GRIK3: variants seen among roughly 807,000 people sequenced by gnomAD.
GRIK3 encodes glutamate receptor ionotropic, kainate 3.
A neutral mutation model predicts 102.5 loss-of-function variants in GRIK3; 29 were observed. That is an observed-to-expected ratio of 0.28 (90% CI 0.21 to 0.39). The LOEUF is 0.39. Ranked by LOEUF, GRIK3 falls within the 10% of genes least tolerant of loss-of-function variation. GRIK3 has a pLI of 1.00. For synonymous variants in GRIK3, 511 were observed against 504.9 expected (o/e 1.01, Z -0.16); for missense variants, 908 against 1,252.4 (o/e 0.73, Z 4.15).
At chr1:36,906,417 G>A (rs1204923899) in intron 1 of GRIK3, among the ~76,000 whole-genome samples, 2 of 152,210 alleles carry the variant, frequency 1.3e-5, no homozygotes, top group African/African-American at 2.4e-5. Context: ...AAACAATGGA[G>A]CTACTGCATG....
rs114360136 is a variant in GRIK3 at position 36,866,861 on chromosome 1, G to A, written c.786+2887C>T. Among the ~76,000 whole-genome samples the A allele has an allele frequency of 1.4e-3, 210 of 152,266 alleles. 1 individual carries two copies. Among genetic ancestry groups the A allele is most frequent in the African/African-American group, 4.4e-3 (183 of 41,552 alleles). On this transcript the variant is annotated intron_variant, in intron 5 of 15. Transcript: ENST00000373091. The stretch of plus-strand genomic sequence containing the variant: ...CATCCATCCGTCCATCCATCCAGCC[G>A]TCTGTCCATCCATCTGTCCATCCAT...
chr1:36,925,981 T>C (rs566499402), intron 1 of GRIK3, among the ~76,000 whole-genome samples: 1 of 152,358 alleles, frequency 6.6e-6, no homozygotes, highest in South Asian at 2.1e-4. Flanking sequence ...CCAAGGTTGA[T>C]GCTCTAGATC....
chr1:37,030,375 G>A (rs776774245), intron 1 of GRIK3, among the ~76,000 whole-genome samples: 6 of 152,132 alleles, frequency 3.9e-5, no homozygotes, highest in African/African-American at 7.2e-5. Context: ...AGATGAGGCC[G>A]GTTTGGGAAC....
intron 13 of GRIK3, among the ~76,000 whole-genome samples, chr1:36,811,967 T>G (rs150330545): frequency 2.8e-4 from 43 of 152,286 alleles, no homozygotes; most frequent in Admixed American, 2.7e-3. Flanking sequence ...TCTGTCTGAC[T>G]TTAAAACTGA....
chr1:37,014,009 A>C (rs1642625740), intron 1 of GRIK3, among the ~76,000 whole-genome samples: 1 of 152,104 alleles, frequency 6.6e-6, no homozygotes, highest in Non-Finnish European at 1.5e-5. Flanking sequence ...TTCCCACCTC[A>C]AGGCCTCATA....
intron 1 of GRIK3, among the ~76,000 whole-genome samples, chr1:36,978,586 G>A (rs1004827211): frequency 6.6e-6 from 1 of 152,186 alleles, no homozygotes; most frequent in East Asian, 1.9e-4. Context: ...GCAGACCTAG[G>A]GTGGGCTCAC....
In GRIK3 at chr1:36,801,329, G is replaced by A. The variant is rs1156914852; in HGVS notation, c.*522C>T. 1.3e-5 allele frequency: 2 copies of A among 153,462 alleles called. No homozygotes were observed. Among genetic ancestry groups the A allele is most frequent in the African/African-American group, 2.4e-5 (1 of 41,484 alleles). The allele number at this position is 153,462 out of a possible 1,614,324, so 9.5% of individuals were successfully genotyped here. A position where few individuals can be genotyped will look rare whatever the true frequency, so the allele number is the denominator to read the frequency against. Reference sequence around the variant, plus strand: ...TTAGGACCACGTGAACAGCCCCAGAGGGATGAAGTCTTCCTTCTGCCCAGG... The same window carrying A: ...TTAGGACCACGTGAACAGCCCCAGAAGGATGAAGTCTTCCTTCTGCCCAGG... On this transcript the variant is annotated 3_prime_UTR_variant, in exon 16 of 16. Transcript: ENST00000373091.
intron 1 of GRIK3, among the ~76,000 whole-genome samples, chr1:37,001,054 C>T (rs1381398636): frequency 6.6e-6 from 1 of 152,212 alleles, no homozygotes; most frequent in African/African-American, 2.4e-5. Context: ...CTTCAGTTCC[C>T]GTCAATAACT....
intron 1 of GRIK3, among the ~76,000 whole-genome samples, chr1:37,000,511 G>A (rs1412128925): frequency 6.6e-6 from 1 of 152,190 alleles, no homozygotes; most frequent in Non-Finnish European, 1.5e-5. Flanking sequence ...GAAGTTCAGA[G>A]AGGTAAAATA....
rs74967619 is a variant in GRIK3 at position 37,030,149 on chromosome 1, C to G, written c.115+3845G>C. Among the ~76,000 whole-genome samples, 308 of 152,298 alleles carry G rather than the reference C, an allele frequency of 2.0e-3. 1 individual carries two copies. Among genetic ancestry groups the G allele is most frequent in the African/African-American group, 6.9e-3 (286 of 41,554 alleles). On this transcript the variant is annotated intron_variant, in intron 1 of 15. Transcript: ENST00000373091. ...CTCAAGTTAATGCTCTCTAAGGCCC[C>G]GCGGGCCACTCCCAGGTCTTGTCTG...
chr1:36,986,770 T>G (rs1029149602), intron 1 of GRIK3, among the ~76,000 whole-genome samples: 166 of 152,340 alleles, frequency 1.1e-3, no homozygotes, highest in Non-Finnish European at 4.1e-4. Context: ...TCTTAAAGAA[T>G]GAGTGGCAGT....
At chr1:36,889,910 C>A (rs1422166246) in intron 2 of GRIK3, among the ~76,000 whole-genome samples, 1 of 152,080 alleles carries the variant, frequency 6.6e-6, no homozygotes, top group South Asian at 2.1e-4. Flanking sequence ...TTTTATTGAG[C>A]AGTTTTGGTT....
intron 1 of GRIK3, among the ~76,000 whole-genome samples, chr1:37,016,367 C>T (rs1271486813): frequency 6.6e-6 from 1 of 152,190 alleles, no homozygotes; most frequent in African/African-American, 2.4e-5. Context: ...AATGATTAGA[C>T]TCACCTTAGG....
intron 1 of GRIK3, among the ~76,000 whole-genome samples, chr1:36,913,445 T>G (rs1641368174): frequency 6.6e-6 from 1 of 152,194 alleles, no homozygotes. Context: ...CCTCGTCTGT[T>G]GTAAATATCA....
Position 36,969,387 on chromosome 1 carries a change from T to C in GRIK3, c.115+64607A>G, listed in dbSNP as rs568177089. Among the ~76,000 whole-genome samples, 236 of 152,286 alleles carry C rather than the reference T, an allele frequency of 1.5e-3. 1 individual carries two copies. Among genetic ancestry groups the C allele is most frequent in the Middle Eastern group, 3.4e-3 (1 of 294 alleles). On this transcript the variant is annotated intron_variant, in intron 1 of 15. Coordinates refer to ENST00000373091, the MANE Select transcript of GRIK3 (RefSeq NM_000831.4). The stretch of plus-strand genomic sequence containing the variant: ...ACCTGGGAGCAGAGTTAGATTTGGG[T>C]TTTGGTTTTGTTTGGTTTTTGGAAG...
At chr1:36,976,306 G>A (rs1021655791) in intron 1 of GRIK3, among the ~76,000 whole-genome samples, 1 of 152,142 alleles carries the variant, frequency 6.6e-6, no homozygotes, top group East Asian at 1.9e-4. Context: ...CCCAAGACAG[G>A]AGGTCCTACA....
Position 36,806,031 on chromosome 1 carries a change from G to T in GRIK3, c.2314+73C>A. 1 of 917,326 alleles carries T rather than the reference G, an allele frequency of 1.1e-6. No homozygotes were observed. Among genetic ancestry groups the T allele is most frequent in the Non-Finnish European group, 1.7e-6 (1 of 573,472 alleles). The allele number at this position is 917,326 out of a possible 1,614,324, so 56.8% of individuals were successfully genotyped here. ...CATGGAATGAGCTGTGAGACGGAGT[G>T]TGAGGGGACGCGGGGGTGGAGCCCT... On this transcript the variant is annotated intron_variant, in intron 14 of 15. Coordinates refer to ENST00000373091, the MANE Select transcript of GRIK3 (RefSeq NM_000831.4). The surrounding 1 kb of genome is among the most constrained non-coding windows in gnomAD (Gnocchi z 4.0).
chr1:37,032,181 C>T (rs1010916790), intron 1 of GRIK3, among the ~76,000 whole-genome samples: 2 of 152,312 alleles, frequency 1.3e-5, no homozygotes, highest in Middle Eastern at 3.4e-3. Flanking sequence ...AACTCCCTAA[C>T]CCATTCAATT....
At chr1:37,022,716 G>A (rs577694) in intron 1 of GRIK3, among the ~76,000 whole-genome samples, 28,355 of 152,136 alleles carry the variant, frequency 0.19, 3,899 homozygotes, top group African/African-American at 0.38. Context: ...GCTGCATGCC[G>A]GGGCAGTTAG....
Sources: gnomAD v4.1 joint callset for allele counts (sites outside exome capture counted in the v4.1 genomes callset) on GRCh38, gnomAD v4.1.1 for gene constraint, Gnocchi (gnomAD v3.1) non-coding constraint, MANE v1.5 for transcripts, NCBI Gene and HGNC (gene_info 2026-07-23, HGNC 2026-07-21) for gene names.